The following GALNT13 variants were observed in gnomAD, a reference collection of about 807,000 sequenced individuals.
The protein encoded by GALNT13 is polypeptide N-acetylgalactosaminyltransferase 13, also known as UDP-GalNAc:polypeptide N-acetylgalactosaminyltransferase 13.
GALNT13 carries 28 observed loss-of-function variants against 64.2 expected under a neutral mutation model. The ratio of observed to expected loss-of-function variants is 0.44; its 90% CI spans 0.32 to 0.60. GALNT13 has a LOEUF of 0.60. GALNT13 is among the 20% of genes least tolerant of loss of function. The probability of loss-of-function intolerance (pLI) is 0.05; values close to 1 mark genes in which losing one functional copy is unlikely to be tolerated. For synonymous variants in GALNT13, 214 were observed against 224.6 expected, an observed-to-expected ratio of 0.95 and a Z score of 0.42; for missense variants, 577 against 669.8, an observed-to-expected ratio of 0.86 and a Z score of 1.53.
At chr2:153,337,454 A>C in the GALNT13 span, among the ~76,000 whole-genome samples, 1 of 152,244 alleles carries the variant, frequency 6.6e-6, no homozygotes, top group Non-Finnish European at 1.5e-5. Context: ...CAAGGAAAAA[A>C]TTATGTAAAA....
chr2:153,288,898 T>C, the GALNT13 span, among the ~76,000 whole-genome samples: 1 of 152,190 alleles, frequency 6.6e-6, no homozygotes, highest in South Asian at 2.1e-4. Context: ...TTATAATCTG[T>C]TTTATATAAA....
At chr2:154,367,689 A>G (rs938741016) in intron 9 of GALNT13, among the ~76,000 whole-genome samples, 6 of 152,186 alleles carry the variant, frequency 3.9e-5, no homozygotes, top group African/African-American at 1.2e-4. Context: ...CTGACTATAA[A>G]AAGATCTAGA....
chr2:153,474,573 C>T, the GALNT13 span, among the ~76,000 whole-genome samples: 4 of 152,132 alleles, frequency 2.6e-5, no homozygotes, highest in Admixed American at 6.5e-5. Context: ...TGGGGAGATT[C>T]GTATCAACAA....
At chr2:154,056,868 G>T (rs900419178) in intron 3 of GALNT13, among the ~76,000 whole-genome samples, 1 of 151,670 alleles carries the variant, frequency 6.6e-6, no homozygotes, top group Non-Finnish European at 1.5e-5. Flanking sequence ...AAAAATTGAA[G>T]AATAATATAA....
chr2:153,746,571 A>G, the GALNT13 span, among the ~76,000 whole-genome samples: 30 of 152,074 alleles, frequency 2.0e-4, no homozygotes, highest in African/African-American at 6.0e-4. Context: ...CTGATTCAGC[A>G]CTATTATGAA....
At chr2:153,982,540 A>G (rs1694532538) in intron 3 of GALNT13, among the ~76,000 whole-genome samples, 1 of 152,092 alleles carries the variant, frequency 6.6e-6, no homozygotes, top group Admixed American at 6.6e-5. Context: ...AAATAGTGAC[A>G]GAGACAGATT....
the GALNT13 span, among the ~76,000 whole-genome samples, chr2:153,839,915 T>C: frequency 6.6e-6 from 1 of 152,022 alleles, no homozygotes; most frequent in African/African-American, 2.4e-5. Flanking sequence ...AATGAAAAAC[T>C]GACTGTTTAT....
At chr2:153,345,635 T>TTTTCTTTTTCTTTC in the GALNT13 span, among the ~76,000 whole-genome samples, 5 of 68,864 alleles carry the variant, frequency 7.3e-5, no homozygotes, top group East Asian at 1.8e-3. Context: ...TTTCCTTTCT[T>TTTTCTTTTTCTTTC]TTTCTTTCTT....
chr2:153,135,293 A>G, the GALNT13 span, among the ~76,000 whole-genome samples: 2 of 152,132 alleles, frequency 1.3e-5, no homozygotes, highest in Admixed American at 6.6e-5. Context: ...CTGTCTCCAA[A>G]AACAGAGCTT....
At chr2:153,888,452 T>A (rs1361014916) in intron 1 of GALNT13, among the ~76,000 whole-genome samples, 1 of 152,024 alleles carries the variant, frequency 6.6e-6, no homozygotes, top group Non-Finnish European at 1.5e-5. Context: ...TGTTTCATAT[T>A]GCAAGTAAAT....
chr2:153,140,085 A>G, the GALNT13 span, among the ~76,000 whole-genome samples: 3 of 151,974 alleles, frequency 2.0e-5, no homozygotes, highest in Non-Finnish European at 4.4e-5. Flanking sequence ...TGATGTGGTA[A>G]TCTTACCATC....
the GALNT13 span, chr2:153,478,464 G>A: frequency 1.9e-6 from 3 of 1,613,580 alleles, no homozygotes; most frequent in South Asian, 2.2e-5. Flanking sequence ...CGGTCACCAC[G>A]GACGCCTGGG....
At chr2:153,380,432 A>T in the GALNT13 span, among the ~76,000 whole-genome samples, 4 of 152,090 alleles carry the variant, frequency 2.6e-5, no homozygotes, top group African/African-American at 9.7e-5. Context: ...TGAATGCACA[A>T]CTGCCCTCCA....
the GALNT13 span, among the ~76,000 whole-genome samples, chr2:153,811,457 CTT>C: frequency 6.6e-6 from 1 of 152,260 alleles, no homozygotes; most frequent in Admixed American, 6.5e-5. Flanking sequence ...TCTTTATTGA[CTT>C]TATCTTCATT....
At chr2:153,936,806 C>T (rs1250803960) in intron 2 of GALNT13, among the ~76,000 whole-genome samples, 1 of 151,976 alleles carries the variant, frequency 6.6e-6, no homozygotes, top group East Asian at 1.9e-4. Flanking sequence ...CTGCCATCTC[C>T]ACCTCCCGGG....
the GALNT13 span, among the ~76,000 whole-genome samples, chr2:153,626,986 A>G: frequency 1.3e-5 from 2 of 152,238 alleles, no homozygotes; most frequent in South Asian, 2.1e-4. Context: ...TGCACATGGT[A>G]AGAGGAAATT....
At chr2:153,745,991 T>C in the GALNT13 span, among the ~76,000 whole-genome samples, 1 of 152,198 alleles carries the variant, frequency 6.6e-6, no homozygotes, top group East Asian at 1.9e-4. Context: ...CATAATATGG[T>C]ACTGGTTTCC....
At chr2:153,832,884 T>C in the GALNT13 span, among the ~76,000 whole-genome samples, 1 of 152,194 alleles carries the variant, frequency 6.6e-6, no homozygotes, top group African/African-American at 2.4e-5. Flanking sequence ...ACTAAACAAA[T>C]AGGCATGGAT....
At chr2:153,221,515 G>C in the GALNT13 span, among the ~76,000 whole-genome samples, 255 of 152,328 alleles carry the variant, frequency 1.7e-3, no homozygotes, top group African/African-American at 5.9e-3. Flanking sequence ...TTATGTCACA[G>C]GATTCTTCAA....
Sources: allele counts gnomAD v4.1 joint callset (sites outside exome capture counted in the v4.1 genomes callset), GRCh38; gene constraint gnomAD v4.1.1; transcripts MANE v1.5; gene names NCBI Gene and HGNC (gene_info 2026-07-23, HGNC 2026-07-21).